The following CFH variants were observed in gnomAD, a reference collection of about 807,000 sequenced individuals.
CFH encodes the protein H factor 1 (complement).
A neutral mutation model predicts 147.3 loss-of-function variants in CFH; 53 were observed. That is an observed-to-expected ratio of 0.36 (90% CI 0.29 to 0.45). The LOEUF is 0.45. CFH is among the 20% of genes least tolerant of loss of function. The pLI is 1.00. For missense variants in CFH, 1,380 were observed against 1,498.0 expected, an observed-to-expected ratio of 0.92 and a Z score of 1.30; for synonymous variants, 536 against 489.4, an observed-to-expected ratio of 1.10 and a Z score of -1.26.
chr1:196,677,852 T>C (rs1235823042), intron 5 of CFH, 185 bp downstream of exon 5: 13 of 599,100 alleles, frequency 2.2e-5, no homozygotes, highest in Non-Finnish European at 3.5e-5. Context: ...TTCAAAAAAC[T>C]CCATGATTTA....
At chr1:196,670,243 G>T (rs1271108888) in intron 1 of CFH, among the ~76,000 whole-genome samples, 4 of 152,126 alleles carry the variant, frequency 2.6e-5, no homozygotes, top group African/African-American at 9.7e-5. Flanking sequence ...TTTGGACATG[G>T]ACTTTAGGGT....
intron 10 of CFH, 57 bp from the exon 11 acceptor site, chr1:196,715,536 C>A (rs1668849168): frequency 1.5e-6 from 2 of 1,345,466 alleles, no homozygotes; most frequent in Non-Finnish European, 1.1e-6. Flanking sequence ...ATGGGAAATA[C>A]TCAGATTGTT....
intron 14 of CFH, among the ~76,000 whole-genome samples, chr1:196,727,654 CT>C (rs1669178628): frequency 6.6e-6 from 1 of 152,012 alleles, no homozygotes; most frequent in Admixed American, 6.6e-5. Flanking sequence ...GACAAAATAC[CT>C]ACTTACTACT....
At chr1:196,715,899 C>A in intron 11 of CFH, 130 bp downstream of exon 11, 1 of 755,290 alleles carries the variant, frequency 1.3e-6, no homozygotes, top group Non-Finnish European at 2.1e-6. Context: ...CCTGATTTGA[C>A]ATAAACTGGG....
rs1232147738 is a variant in CFH at position 196,740,509 on chromosome 1, T to C, written c.2783-110T>C. 8 of 1,049,314 alleles carry C rather than the reference T, an allele frequency of 7.6e-6. No individual in the cohort carries two copies. In the East Asian group the frequency reaches 1.5e-4, roughly 20 times the overall value. The allele number at this position is 1,049,314 out of a possible 1,614,324, so 65.0% of individuals were successfully genotyped here. On this transcript the variant is annotated intron_variant, in intron 17 of 21. Transcript: ENST00000367429. ...TTTGTGTTACTTCTCTGTGATGTCA[T>C]AGTAGCTCCTGTATTGTTTATTTTC...
chr1:196,740,194 C>T (rs1443243195), intron 17 of CFH, among the ~76,000 whole-genome samples: 1 of 152,172 alleles, frequency 6.6e-6, no homozygotes, highest in Non-Finnish European at 1.5e-5. Flanking sequence ...GGGGACACAG[C>T]TAAACCTGTT....
At chr1:196,670,557 T>G (rs1028420364) in intron 1 of CFH, among the ~76,000 whole-genome samples, 2 of 152,208 alleles carry the variant, frequency 1.3e-5, no homozygotes, top group Non-Finnish European at 2.9e-5. Context: ...TGCACTTCTC[T>G]CTTGCCATCA....
intron 15 of CFH, 92 bp from the exon 16 acceptor site, chr1:196,736,732 A>T (rs965675716): frequency 1.7e-4 from 92 of 532,422 alleles, no homozygotes; most frequent in Non-Finnish European, 1.6e-4. Flanking sequence ...TATTTTAATC[A>T]TATAAATTAT....
intron 9 of CFH, among the ~76,000 whole-genome samples, chr1:196,706,576 A>C (rs1668594945): frequency 6.6e-6 from 1 of 152,230 alleles, no homozygotes; most frequent in South Asian, 2.1e-4. Flanking sequence ...CCAATCAAAG[A>C]ACTCAAAATG....
intron 9 of CFH, among the ~76,000 whole-genome samples, chr1:196,701,155 G>A (rs1016218081): frequency 1.3e-5 from 2 of 152,184 alleles, no homozygotes; most frequent in African/African-American, 2.4e-5. Flanking sequence ...ATGTATTTAT[G>A]TTTGTGGAGG....
At chr1:196,738,952 G>C (rs1363385264) in intron 17 of CFH, among the ~76,000 whole-genome samples, 1 of 152,216 alleles carries the variant, frequency 6.6e-6, no homozygotes, top group Admixed American at 6.5e-5. Context: ...CTGCAACCTA[G>C]TTGTAGGTTC....
intron 1 of CFH, among the ~76,000 whole-genome samples, chr1:196,672,340 C>A (rs556225331): frequency 6.6e-6 from 1 of 152,258 alleles, no homozygotes; most frequent in East Asian, 1.9e-4. Context: ...CCTCTTTGCT[C>A]CCACAACTTA....
chr1:196,737,330 G>A, intron 16 of CFH, 145 bp from the exon 17 acceptor site: 1 of 657,460 alleles, frequency 1.5e-6, no homozygotes, highest in Non-Finnish European at 2.6e-6. Context: ...ATATATCTTT[G>A]CGAGTTTCTA....
At chr1:196,727,047 T>A (rs923947750) in intron 14 of CFH, 107 bp downstream of exon 14, 1 of 978,296 alleles carries the variant, frequency 1.0e-6, no homozygotes. Context: ...CCTCAACATT[T>A]CCAGTCTTCA....
chr1:196,746,799 C>A (rs1653025118), intron 21 of CFH, among the ~76,000 whole-genome samples: 1 of 152,150 alleles, frequency 6.6e-6, no homozygotes, highest in Admixed American at 6.5e-5. Context: ...AGTTTGTACT[C>A]TTTGACCAAT....
At chr1:196,665,558 G>T (rs1667053678) in intron 1 of CFH, among the ~76,000 whole-genome samples, 1 of 151,746 alleles carries the variant, frequency 6.6e-6, no homozygotes, top group South Asian at 2.1e-4. Flanking sequence ...ATAAAGTAAG[G>T]ATTCAAATTT....
intron 1 of CFH, among the ~76,000 whole-genome samples, chr1:196,671,234 G>A (rs1667266100): frequency 6.6e-6 from 1 of 151,976 alleles, no homozygotes; most frequent in South Asian, 2.1e-4. Context: ...TAAAATAGCT[G>A]TTATAAAGAC....
intron 20 of CFH, among the ~76,000 whole-genome samples, chr1:196,744,450 G>A (rs1336690085): frequency 3.3e-5 from 5 of 151,914 alleles, no homozygotes; most frequent in Non-Finnish European, 7.4e-5. Context: ...GATTAATTTC[G>A]ATTCATATGT....
intron 16 of CFH, 53 bp from the exon 17 acceptor site, chr1:196,737,422 C>G: frequency 1.6e-6 from 2 of 1,243,710 alleles, no homozygotes; most frequent in Non-Finnish European, 2.3e-6. Context: ...TTTTATATTT[C>G]AATTTAAGTA....
Sources: gnomAD v4.1 joint callset for allele counts (sites outside exome capture counted in the v4.1 genomes callset) on GRCh38, gnomAD v4.1.1 for gene constraint, MANE v1.5 for transcripts, NCBI Gene and HGNC (gene_info 2026-07-23, HGNC 2026-07-21) for gene names.